Variants in UNC13C observed in about 807,000 individuals in gnomAD.
The protein encoded by UNC13C is protein unc-13 homolog C.
Under a neutral mutation model 245.4 loss-of-function variants are expected in UNC13C, and 174 were observed. That is an observed-to-expected ratio of 0.71 (90% confidence interval 0.63 to 0.80). UNC13C has a LOEUF of 0.80. Among genes scored for constraint, UNC13C ranks in the 30% least tolerant of loss-of-function variants. The pLI, the probability that UNC13C is intolerant of heterozygous loss-of-function variation, is 0.00. For synonymous variants in UNC13C, 992 were observed against 895.1 expected (o/e 1.11, Z -1.93); for missense variants, 2,829 against 2,602.9 (o/e 1.09, Z -1.89).
intron 4 of UNC13C, among the ~76,000 whole-genome samples, chr15:54,198,846 A>T (rs2034438644): frequency 6.6e-6 from 1 of 152,110 alleles, no homozygotes; most frequent in Admixed American, 6.5e-5. Context: ...CCTGTAATGG[A>T]TCCAAATCAA....
At chr15:54,089,414 G>T (rs924653127) in intron 2 of UNC13C, among the ~76,000 whole-genome samples, 8 of 152,078 alleles carry the variant, frequency 5.3e-5, no homozygotes, top group Non-Finnish European at 1.2e-4. Context: ...GAACAGAATG[G>T]CCAGAGAAGC....
intron 4 of UNC13C, among the ~76,000 whole-genome samples, chr15:54,179,484 A>T (rs886670843): frequency 8.5e-5 from 13 of 152,076 alleles, no homozygotes; most frequent in African/African-American, 3.1e-4. Context: ...AATACAATAT[A>T]TACTATTAAG....
At chr15:54,110,487 GCTTT>G (rs1900712958) in intron 2 of UNC13C, among the ~76,000 whole-genome samples, 1 of 151,972 alleles carries the variant, frequency 6.6e-6, no homozygotes, top group Non-Finnish European at 1.5e-5. Flanking sequence ...AAATGAGATC[GCTTT>G]CTATGTTGAA....
At chr15:53,864,553 T>C in the UNC13C span, among the ~76,000 whole-genome samples, 1 of 152,208 alleles carries the variant, frequency 6.6e-6, no homozygotes, top group East Asian at 1.9e-4. Flanking sequence ...CCTCAAGTAG[T>C]TCCTGTGAAT....
intron 4 of UNC13C, among the ~76,000 whole-genome samples, chr15:54,185,493 A>G (rs1379619991): frequency 4.6e-5 from 7 of 150,634 alleles, no homozygotes; most frequent in Non-Finnish European, 7.4e-5. Context: ...CCATATGGCT[A>G]GCCAGTTTTC....
At chr15:54,306,772 G>A (rs753321123) in intron 13 of UNC13C, among the ~76,000 whole-genome samples, 4 of 151,868 alleles carry the variant, frequency 2.6e-5, no homozygotes, top group Admixed American at 2.0e-4. Flanking sequence ...GCATTAGGTC[G>A]GTGTTTTTTA....
chr15:54,084,748 GA>G (rs879481714), intron 2 of UNC13C, among the ~76,000 whole-genome samples: 4 of 152,150 alleles, frequency 2.6e-5, no homozygotes, highest in East Asian at 3.9e-4. Context: ...TGAGTGACTT[GA>G]AAAAAATTAT....
intron 30 of UNC13C, among the ~76,000 whole-genome samples, chr15:54,599,891 C>A (rs1463411134): frequency 6.6e-6 from 1 of 152,064 alleles, no homozygotes; most frequent in African/African-American, 2.4e-5. Flanking sequence ...TCTTCCTAAC[C>A]ATTGAAAGTA....
At chr15:54,390,015 C>G (rs1395094831) in intron 17 of UNC13C, among the ~76,000 whole-genome samples, 2 of 152,162 alleles carry the variant, frequency 1.3e-5, no homozygotes, top group East Asian at 3.9e-4. Flanking sequence ...AGGCATGAGC[C>G]ACTGCGCCCG....
chr15:54,407,689 C>T (rs373124166), intron 18 of UNC13C, among the ~76,000 whole-genome samples: 17 of 152,030 alleles, frequency 1.1e-4, no homozygotes, highest in East Asian at 7.8e-4. Flanking sequence ...CAGAATGAGA[C>T]CTCAGACCCC....
At chr15:53,850,294 G>T in the UNC13C span, among the ~76,000 whole-genome samples, 7 of 151,798 alleles carry the variant, frequency 4.6e-5, no homozygotes, top group African/African-American at 1.5e-4. Context: ...ATGCACCTAT[G>T]GTCCCAGTTA....
intron 32 of UNC13C, 109 bp downstream of exon 32, chr15:54,624,063 GT>G: frequency 7.4e-7 from 1 of 1,357,612 alleles, no homozygotes; most frequent in Non-Finnish European, 1.0e-6. Flanking sequence ...AGAAGGCTCT[GT>G]TTTTAGTTCC....
the UNC13C span, among the ~76,000 whole-genome samples, chr15:53,956,957 T>C: frequency 6.6e-6 from 1 of 151,516 alleles, no homozygotes; most frequent in African/African-American, 2.4e-5. Flanking sequence ...TGTCCAAGCT[T>C]ATAAAATAGG....
chr15:54,415,111 A>T (rs778881845), intron 19 of UNC13C, 44 bp downstream of exon 19: 10 of 1,376,152 alleles, frequency 7.3e-6, no homozygotes, highest in Non-Finnish European at 9.2e-6. Context: ...TGTTAGAGTT[A>T]AATGGTGATA....
At chr15:54,480,416 C>CTTT (rs58297037) in intron 19 of UNC13C, among the ~76,000 whole-genome samples, 1 of 142,512 alleles carries the variant, frequency 7.0e-6, no homozygotes. Flanking sequence ...TTTTTTTACT[C>CTTT]TTTTTTTTTT....
At chr15:54,423,094 A>T (rs554511170) in intron 19 of UNC13C, among the ~76,000 whole-genome samples, 1 of 151,914 alleles carries the variant, frequency 6.6e-6, no homozygotes, top group East Asian at 1.9e-4. Context: ...ATATACATGA[A>T]GATATTACAT....
At chr15:54,034,820 T>C (rs10162901) in intron 2 of UNC13C, among the ~76,000 whole-genome samples, 130,259 of 152,072 alleles carry the variant, frequency 0.86, 56,447 homozygotes, top group South Asian at 0.95. Context: ...CAGTTCAGTT[T>C]AGTTTGTTTC....
At chr15:54,082,619 A>G (rs1899013541) in intron 2 of UNC13C, among the ~76,000 whole-genome samples, 1 of 152,132 alleles carries the variant, frequency 6.6e-6, no homozygotes, top group Non-Finnish European at 1.5e-5. Flanking sequence ...GAGCTAATGT[A>G]ATCTTTTGGA....
intron 17 of UNC13C, among the ~76,000 whole-genome samples, chr15:54,353,944 T>A (rs902333153): frequency 4.6e-5 from 7 of 152,182 alleles, no homozygotes; most frequent in African/African-American, 1.7e-4. Context: ...GGCAGACCCT[T>A]TTGCTTTGAT....
Sources: gnomAD v4.1 joint callset for allele counts (sites outside exome capture counted in the v4.1 genomes callset) on GRCh38, gnomAD v4.1.1 for gene constraint, MANE v1.5 for transcripts, NCBI Gene and HGNC (gene_info 2026-07-23, HGNC 2026-07-21) for gene names.